Variants in CLVS1 observed in about 807,000 individuals in gnomAD.
CLVS1 encodes the protein clavesin-1.
CLVS1 carries 10 observed loss-of-function variants against 33.1 expected under a neutral mutation model. The observed-to-expected ratio is 0.30, with a 90% CI of 0.19 to 0.51. The LOEUF (loss-of-function observed/expected upper bound fraction) is 0.51, where lower values mean the gene tolerates loss of function less well. Among genes scored for constraint, CLVS1 ranks in the 20% least tolerant of loss-of-function variants. CLVS1 has a pLI of 0.97. For missense variants in CLVS1, 343 were observed against 433.4 expected (o/e 0.79, Z 1.85); for synonymous variants, 163 against 166.1 (o/e 0.98, Z 0.14).
chr8:61,113,238 C>A (rs1805661087), intron 1 of CLVS1, among the ~76,000 whole-genome samples: 1 of 152,040 alleles, frequency 6.6e-6, no homozygotes, highest in African/African-American at 2.4e-5. Context: ...TGGGGTGATG[C>A]AGGGTAATGG....
intron 2 of CLVS1, among the ~76,000 whole-genome samples, chr8:61,272,267 G>T (rs1160665593): frequency 1.3e-5 from 2 of 152,066 alleles, no homozygotes; most frequent in Non-Finnish European, 2.9e-5. Context: ...TAGTTTGGCT[G>T]CATATGAAAT....
intron 2 of CLVS1, chr8:61,202,990 C>T: frequency 7.0e-7 from 1 of 1,435,194 alleles, no homozygotes. Flanking sequence ...AGACTCAAAA[C>T]CATCAACACC....
chr8:61,125,848 T>C (rs1359276307), intron 1 of CLVS1, among the ~76,000 whole-genome samples: 1 of 152,232 alleles, frequency 6.6e-6, no homozygotes. Flanking sequence ...ACACATAATG[T>C]ATTTTAGTTT....
intron 5 of CLVS1, among the ~76,000 whole-genome samples, chr8:61,461,906 A>AAATTAATTTTAATGATAAAAT (rs141237932): frequency 0.07 from 10,628 of 152,224 alleles, 425 homozygotes; most frequent in Non-Finnish European, 0.088. Context: ...TTTAATGATA[A>AAATTAATTTTAATGATAAAAT]TCTTATGATG....
intron 2 of CLVS1, among the ~76,000 whole-genome samples, chr8:61,146,882 T>C (rs756748880): frequency 6.6e-6 from 1 of 152,242 alleles, no homozygotes; most frequent in Non-Finnish European, 1.5e-5. Flanking sequence ...CATGGTGTGA[T>C]GTGAATTCAT....
At chr8:61,370,390 T>A (rs1813384989) in intron 2 of CLVS1, 1 of 151,394 alleles carries the variant, frequency 6.6e-6, no homozygotes, top group African/African-American at 2.5e-5. Context: ...GTCCACTGTA[T>A]CATTCTTTTT....
rs550000477 is a variant in CLVS1, at chr8:61,121,318, A to G, written c.-242-10452A>G. 9.8e-5 allele frequency among the ~76,000 whole-genome samples: 15 copies of G among 152,334 alleles called. No homozygotes were observed. The South Asian group carries it at 1.7e-3, about 17-fold the overall frequency. ...AACCCGGTACCTCAGATGGAAATGC[A>G]GAAATCACCGTCTTCTGCGTCGCTC... On this transcript the variant is annotated intron_variant, in intron 1 of 2. Coordinates refer to the CLVS1 transcript ENST00000522621.
chr8:61,429,354 A>T (rs1186226949), intron 3 of CLVS1, among the ~76,000 whole-genome samples: 2 of 136,298 alleles, frequency 1.5e-5, no homozygotes, highest in Non-Finnish European at 3.1e-5. Context: ...TGGGAGGTAG[A>T]GGTTGCTGTG....
chr8:61,458,068 AG>A (rs1333389727), intron 4 of CLVS1, among the ~76,000 whole-genome samples: 1 of 152,240 alleles, frequency 6.6e-6, no homozygotes, highest in Non-Finnish European at 1.5e-5. Context: ...CCCACAGCCA[AG>A]TAATGCTCAA....
At chr8:61,406,909 G>A (rs573346467) in intron 3 of CLVS1, among the ~76,000 whole-genome samples, 1 of 152,156 alleles carries the variant, frequency 6.6e-6, no homozygotes, top group South Asian at 2.1e-4. Flanking sequence ...GCGCCAGGCC[G>A]ACATAAAATT....
At chr8:61,085,649 C>T (rs1805103493) in intron 1 of CLVS1, among the ~76,000 whole-genome samples, 1 of 149,944 alleles carries the variant, frequency 6.7e-6, no homozygotes, top group African/African-American at 2.5e-5. Flanking sequence ...CCAGCACTTT[C>T]GGAGGCCGAG....
At chr8:61,362,988 G>A (rs1032394146) in intron 2 of CLVS1, among the ~76,000 whole-genome samples, 1 of 152,184 alleles carries the variant, frequency 6.6e-6, no homozygotes, top group African/African-American at 2.4e-5. Flanking sequence ...AGCGCTCCTT[G>A]TAACTTAGTT....
the CLVS1 span, among the ~76,000 whole-genome samples, chr8:60,983,617 GT>G: frequency 6.6e-6 from 1 of 152,212 alleles, no homozygotes; most frequent in Admixed American, 6.5e-5. Context: ...GCTCAGTGAG[GT>G]TTTGCAGGGA....
At chr8:61,459,594 T>G (rs989398289) in intron 5 of CLVS1, among the ~76,000 whole-genome samples, 2 of 151,806 alleles carry the variant, frequency 1.3e-5, no homozygotes, top group East Asian at 3.9e-4. Context: ...GAACATAAGA[T>G]GTGAAACCTG....
chr8:61,240,394 T>C (rs1808673092), intron 2 of CLVS1, among the ~76,000 whole-genome samples: 1 of 152,138 alleles, frequency 6.6e-6, no homozygotes, highest in South Asian at 2.1e-4. Context: ...ACACATAACT[T>C]CCCAGGGCTT....
intron 5 of CLVS1, among the ~76,000 whole-genome samples, chr8:61,486,316 G>A (rs948105622): frequency 6.6e-6 from 1 of 152,074 alleles, no homozygotes; most frequent in Non-Finnish European, 1.5e-5. Context: ...TTCTATTAAT[G>A]AAGAATAAAT....
the CLVS1 span, among the ~76,000 whole-genome samples, chr8:61,041,809 G>A: frequency 6.6e-6 from 1 of 152,272 alleles, no homozygotes; most frequent in Admixed American, 6.5e-5. Flanking sequence ...CATATCATTA[G>A]TGAAGAGAGA....
At chr8:61,121,843 GAA>G (rs1435285519) in intron 1 of CLVS1, among the ~76,000 whole-genome samples, 1 of 152,152 alleles carries the variant, frequency 6.6e-6, no homozygotes, top group Non-Finnish European at 1.5e-5. Flanking sequence ...AGAAATTCTC[GAA>G]AGAGTCCTAG....
intron 1 of CLVS1, among the ~76,000 whole-genome samples, chr8:61,102,366 TAAAA>T (rs892075299): frequency 4.6e-5 from 7 of 152,074 alleles, no homozygotes; most frequent in Non-Finnish European, 1.0e-4. Flanking sequence ...TATGCAATTG[TAAAA>T]AAAATTGTTT....
Sources: allele counts gnomAD v4.1 joint callset (sites outside exome capture counted in the v4.1 genomes callset), GRCh38; gene constraint gnomAD v4.1.1; transcripts MANE v1.5; gene names NCBI Gene and HGNC (gene_info 2026-07-23, HGNC 2026-07-21).